MYOM2: variants seen among roughly 807,000 people sequenced by gnomAD.
MYOM2 encodes the protein myomesin 2.
A neutral mutation model predicts 187.6 loss-of-function variants in MYOM2; 254 were observed. The observed-to-expected ratio is 1.35, with a 90% CI of 1.22 to 1.50. The LOEUF is 1.50. MYOM2 is among the 40% of genes most tolerant of loss of function. MYOM2 has a pLI of 0.00. For missense variants in MYOM2, 2,796 were observed against 1,924.0 expected, an observed-to-expected ratio of 1.45 and a Z score of -8.48; for synonymous variants, 981 against 753.8, an observed-to-expected ratio of 1.30 and a Z score of -4.94.
At chr8:2,111,888 T>C (rs1585925827) in intron 25 of MYOM2, among the ~76,000 whole-genome samples, 2 of 152,252 alleles carry the variant, frequency 1.3e-5, no homozygotes, top group East Asian at 1.9e-4. Flanking sequence ...CTTACACAAG[T>C]ATACGCTGTG....
At chr8:2,106,988 A>C (rs1796915019) in intron 23 of MYOM2, among the ~76,000 whole-genome samples, 1 of 152,180 alleles carries the variant, frequency 6.6e-6, no homozygotes, top group African/African-American at 2.4e-5. Context: ...ATCAAAGAAA[A>C]ATTTTTTTAT....
At chr8:2,091,777 G>T (rs113368184) in intron 15 of MYOM2, among the ~76,000 whole-genome samples, 20 of 152,284 alleles carry the variant, frequency 1.3e-4, no homozygotes, top group Non-Finnish European at 2.5e-4. Flanking sequence ...AAAAATGACA[G>T]TGTCCATCAC....
At chr8:2,066,253 A>T (rs556938806) in intron 6 of MYOM2, among the ~76,000 whole-genome samples, 5 of 152,236 alleles carry the variant, frequency 3.3e-5, no homozygotes, top group African/African-American at 9.6e-5. Context: ...TCTCTGGTTT[A>T]TGGCTCCCTC....
intron 11 of MYOM2, 76 bp from the exon 12 acceptor site, chr8:2,078,658 T>C (rs1263196510): frequency 4.6e-6 from 6 of 1,316,052 alleles, no homozygotes; most frequent in African/African-American, 4.3e-5. Flanking sequence ...TGTGTGCATA[T>C]ATGCATATAC....
At chr8:2,123,156 G>C in intron 28 of MYOM2, 96 bp from the exon 29 acceptor site, 1 of 782,438 alleles carries the variant, frequency 1.3e-6, no homozygotes. Context: ...AAGGTTTTTT[G>C]AGGGGGGGGC....
intron 1 of MYOM2, among the ~76,000 whole-genome samples, chr8:2,049,225 T>C (rs1399187757): frequency 6.6e-6 from 1 of 152,010 alleles, no homozygotes; most frequent in East Asian, 1.9e-4. Flanking sequence ...TAAGAGGCAA[T>C]ATTGAGAGAG....
At chr8:2,054,348 A>C (rs1025982244) in intron 3 of MYOM2, among the ~76,000 whole-genome samples, 1 of 152,194 alleles carries the variant, frequency 6.6e-6, no homozygotes, top group Non-Finnish European at 1.5e-5. Flanking sequence ...CTTCTGGAAG[A>C]TATGGCCCAT....
chr8:2,056,798 A>G (rs1818681022), intron 3 of MYOM2, among the ~76,000 whole-genome samples: 1 of 152,148 alleles, frequency 6.6e-6, no homozygotes, highest in Admixed American at 6.5e-5. Context: ...AGCACCTAAC[A>G]GTTTTGAGTC....
chr8:2,086,247 TTTGCGTGGCCCCA>T, intron 14 of MYOM2, among the ~76,000 whole-genome samples: 1 of 93,114 alleles, frequency 1.1e-5, no homozygotes, highest in Non-Finnish European at 2.7e-5. Flanking sequence ...TGTTGTGATC[TTTGCGTGGCCCCA>T]CTGTCATGAT....
Position 2,069,461 on chromosome 8 carries a change from G to A in MYOM2, c.757G>A (p.Glu253Lys), listed in dbSNP as rs778367542. 4.3e-6 allele frequency: 7 copies of A among 1,614,188 alleles called. No homozygotes were observed. The highest frequency in any genetic ancestry group is 3.3e-5 in the South Asian group (3 of 91,076). Reference sequence around the variant, plus strand: ...CTGTCTTGCAGGGTTCCGGGGAGACGAGGAACCATTCCGTTCGGTGGGACT... The same window carrying A: ...CTGTCTTGCAGGGTTCCGGGGAGACAAGGAACCATTCCGTTCGGTGGGACT... ...AVVVRRFRGDEEPFRSVGLPI... is the reference protein window; with the variant it reads ...AVVVRRFRGDKEPFRSVGLPI... Residue 253 changes from glutamate (E) to lysine (K), a missense_variant, in exon 8 of 37, where the codon GAG becomes AAG. Glu to Lys is a moderately conservative substitution (Grantham distance 56). Transcript: ENST00000262113.
At chr8:2,134,955 A>T (rs1310380246) in intron 32 of MYOM2, among the ~76,000 whole-genome samples, 2 of 152,144 alleles carry the variant, frequency 1.3e-5, no homozygotes, top group Non-Finnish European at 2.9e-5. Flanking sequence ...CTCTGGAGAC[A>T]GGACTGGGTG....
In MYOM2 at chr8:2,092,060, C is replaced by G. The variant is rs549872269; in HGVS notation, c.1829-286C>G. Among the ~76,000 whole-genome samples the G allele has an allele frequency of 1.4e-4, 13 of 93,154 alleles. No homozygotes were observed. The East Asian group carries it at 4.5e-3, about 32-fold the overall frequency. 61.1% of individuals were successfully genotyped at this position (93,154 alleles called of 152,430 possible). ...CTCATCCCTGCTGCCAACAGAGAGT[C>G]TTTTAAACAGCTCTGATGGGAGACA... On this transcript the variant is annotated intron_variant, in intron 15 of 36. Transcript: ENST00000262113.
intron 6 of MYOM2, among the ~76,000 whole-genome samples, chr8:2,060,845 A>C (rs1818828947): frequency 6.6e-6 from 1 of 152,140 alleles, no homozygotes; most frequent in African/African-American, 2.4e-5. Context: ...TTCAAGGACC[A>C]CAGGGAGGGA....
Position 2,098,902 on chromosome 8 carries a change from G to T in MYOM2, c.2359G>T (p.Ala787Ser). 6.2e-7 allele frequency: 1 copy of T among 1,613,140 alleles called. No individual in the cohort carries two copies. Among genetic ancestry groups the T allele is most frequent in the Non-Finnish European group, 8.5e-7 (1 of 1,179,628 alleles). The change falls in exon 19 of 37, where the codon GCC becomes TCC. Residue 787 changes from alanine to serine, a missense_variant. Physicochemically the swap from Ala to Ser is moderately conservative, Grantham distance 99 (BLOSUM62 1). Coordinates refer to ENST00000262113, the MANE Select transcript of MYOM2 (RefSeq NM_003970.4). ...EGSLYEFKIAAVNLAGIGEPS... is the reference protein window; with the variant it reads ...EGSLYEFKIASVNLAGIGEPS... ...CTCACTCTACGAGTTCAAAATCGCCGCCGTCAACCTGGCCGGCATCGGGGA... is the reference window on the plus strand; with the variant it reads ...CTCACTCTACGAGTTCAAAATCGCCTCCGTCAACCTGGCCGGCATCGGGGA...
At chr8:2,124,993 A>T (rs960934983) in intron 31 of MYOM2, among the ~76,000 whole-genome samples, 13 of 152,020 alleles carry the variant, frequency 8.6e-5, no homozygotes, top group African/African-American at 2.9e-4. Flanking sequence ...TTAGTCCCTT[A>T]GCCAATGCAT....
In MYOM2 at chr8:2,129,217, T is replaced by G. The variant is rs550899233; in HGVS notation, c.3785T>G (p.Val1262Gly). Residue 1262 changes from valine to glycine, a missense_variant, in exon 32 of 37, where the codon GTG becomes GGG. Coordinates refer to ENST00000262113, the MANE Select transcript of MYOM2 (RefSeq NM_003970.4). Reference sequence around the variant, plus strand: ...AAGTATTTTACAGACGAAATGAAAGTGAACTGGTGTCACAAGTAAGTATGA... The same window carrying G: ...AAGTATTTTACAGACGAAATGAAAGGGAACTGGTGTCACAAGTAAGTATGA... ...FMKYFTDEMK[V>G]NWCHKDAKIS... 7 of 1,609,192 alleles carry G rather than the reference T, an allele frequency of 4.4e-6. No individual in the cohort carries two copies. The East Asian group carries it at 1.6e-4, about 36-fold the overall frequency.
intron 32 of MYOM2, among the ~76,000 whole-genome samples, chr8:2,133,029 TG>T (rs1797930846): frequency 6.6e-6 from 1 of 152,192 alleles, no homozygotes; most frequent in Admixed American, 6.5e-5. Flanking sequence ...ATGTGTGTTG[TG>T]CCTTGCGGTC....
chr8:2,097,477 A>AT (rs569006278), intron 18 of MYOM2, among the ~76,000 whole-genome samples: 43 of 152,284 alleles, frequency 2.8e-4, no homozygotes, highest in Admixed American at 2.0e-3. Context: ...AGTACTTACA[A>AT]TTTTTTGCAG....
intron 16 of MYOM2, among the ~76,000 whole-genome samples, chr8:2,093,047 T>C (rs961832790): frequency 6.6e-6 from 1 of 152,174 alleles, no homozygotes; most frequent in Non-Finnish European, 1.5e-5. Flanking sequence ...TCCTGCTGCC[T>C]GCTGAGTGTG....
Sources: gnomAD v4.1 joint callset for allele counts (sites outside exome capture counted in the v4.1 genomes callset) on GRCh38, gnomAD v4.1.1 for gene constraint, MANE v1.5 for transcripts, NCBI Gene and HGNC (gene_info 2026-07-23, HGNC 2026-07-21) for gene names.